The following PAPPA variants were observed in gnomAD, a reference collection of about 807,000 sequenced individuals.
The protein encoded by PAPPA is pappalysin 1.
A neutral mutation model predicts 164.0 loss-of-function variants in PAPPA; 60 were observed. The observed-to-expected ratio is 0.37, with a 90% confidence interval of 0.30 to 0.45. The LOEUF is 0.45. Among genes scored for constraint, PAPPA ranks in the 20% least tolerant of loss-of-function variants. PAPPA has a pLI of 1.00. For missense variants in PAPPA, 1,782 were observed against 2,087.3 expected, an observed-to-expected ratio of 0.85 and a Z score of 2.85; for synonymous variants, 875 against 814.1, an observed-to-expected ratio of 1.07 and a Z score of -1.27.
At chr9:116,388,730 A>AAGTT (rs1427943168) in intron 21 of PAPPA, among the ~76,000 whole-genome samples, 3 of 152,214 alleles carry the variant, frequency 2.0e-5, no homozygotes, top group Non-Finnish European at 4.4e-5. Flanking sequence ...ATTGAGCAGG[A>AAGTT]AGTTGAAGGC....
chr9:116,153,909 A>AG lies in PAPPA; in HGVS notation c.-260dup, dbSNP rs989892767. 18 of 222,486 alleles carry AG rather than the reference A, an allele frequency of 8.1e-5. No individual in the cohort carries two copies. Among genetic ancestry groups the AG allele is most frequent in the Non-Finnish European group, 1.1e-4 (13 of 122,236 alleles). 13.8% of individuals were successfully genotyped at this position (222,486 alleles called of 1,614,324 possible). A position where few individuals can be genotyped will look rare whatever the true frequency, so the allele number is the denominator to read the frequency against. On this transcript the variant is annotated 5_prime_UTR_variant, in exon 1 of 22. Coordinates refer to ENST00000328252, the MANE Select transcript of PAPPA (RefSeq NM_002581.5). ...ACAAGGAGGAAGGCAACCAGCTGTT[A>AG]GGGGAAAAATAAGGCAGATAAAGGA...
intron 2 of PAPPA, among the ~76,000 whole-genome samples, chr9:116,200,699 T>C (rs1223752268): frequency 1.3e-5 from 2 of 152,158 alleles, no homozygotes; most frequent in African/African-American, 4.8e-5. Flanking sequence ...AAAATCATGC[T>C]TTTTTTCATT....
At chr9:116,186,682 A>G (rs1179578552) in intron 1 of PAPPA, among the ~76,000 whole-genome samples, 1 of 152,076 alleles carries the variant, frequency 6.6e-6, no homozygotes, top group Non-Finnish European at 1.5e-5. Context: ...TCTGTTCGTT[A>G]TCATCTCCCT....
intron 19 of PAPPA, among the ~76,000 whole-genome samples, chr9:116,376,726 A>T (rs1440276451): frequency 6.6e-6 from 1 of 152,204 alleles, no homozygotes; most frequent in Non-Finnish European, 1.5e-5. Flanking sequence ...AGTGCCAAAG[A>T]AGACATAAAT....
At chr9:116,385,405 C>G (rs1222734281) in intron 21 of PAPPA, among the ~76,000 whole-genome samples, 2 of 151,988 alleles carry the variant, frequency 1.3e-5, no homozygotes, top group African/African-American at 4.8e-5. Context: ...CTCAGCCTCC[C>G]AAAGTGCTGG....
intron 10 of PAPPA, among the ~76,000 whole-genome samples, chr9:116,309,051 A>G (rs1454589129): frequency 1.3e-5 from 2 of 152,122 alleles, no homozygotes; most frequent in Non-Finnish European, 2.9e-5. Context: ...GTGAAAGGGA[A>G]TTGTAAGATG....
chr9:116,300,730 C>A (rs1184085561), intron 9 of PAPPA, among the ~76,000 whole-genome samples: 1 of 152,164 alleles, frequency 6.6e-6, no homozygotes, highest in Admixed American at 6.5e-5. Flanking sequence ...TCTTGTTTCT[C>A]CTTGGCAGGG....
chr9:116,293,567 G>A (rs1845462911), intron 9 of PAPPA, among the ~76,000 whole-genome samples: 2 of 152,218 alleles, frequency 1.3e-5, no homozygotes, highest in Admixed American at 1.3e-4. Flanking sequence ...TGGAGATGTG[G>A]TTGGAACTAA....
intron 1 of PAPPA, among the ~76,000 whole-genome samples, chr9:116,156,192 G>A (rs964248896): frequency 7.3e-5 from 11 of 150,924 alleles, no homozygotes; most frequent in Non-Finnish European, 1.5e-5. Flanking sequence ...TCCCTGGAGA[G>A]AGGAGAGCAC....
intron 5 of PAPPA, among the ~76,000 whole-genome samples, chr9:116,226,633 C>T (rs1407609578): frequency 6.6e-6 from 1 of 152,190 alleles, no homozygotes; most frequent in African/African-American, 2.4e-5. Context: ...GAAGAGGACT[C>T]ATTCCTCTCC....
At chr9:116,313,582 C>T (rs1247082985) in intron 10 of PAPPA, among the ~76,000 whole-genome samples, 3 of 152,134 alleles carry the variant, frequency 2.0e-5, no homozygotes, top group African/African-American at 4.8e-5. Flanking sequence ...CAGGGAGCTA[C>T]GGTCAGGGGT....
chr9:116,321,229 G>A (rs181940181), intron 10 of PAPPA, among the ~76,000 whole-genome samples: 50 of 151,986 alleles, frequency 3.3e-4, no homozygotes, highest in African/African-American at 8.0e-4. Context: ...GGGTTTCACC[G>A]TGTTAGCCAA....
chr9:116,303,992 CA>C (rs1554750202), intron 10 of PAPPA, among the ~76,000 whole-genome samples: 1 of 152,130 alleles, frequency 6.6e-6, no homozygotes, highest in African/African-American at 2.4e-5. Context: ...AGAGTGGAAA[CA>C]AATGGTAACA....
At chr9:116,299,406 G>A (rs1845551018) in intron 9 of PAPPA, among the ~76,000 whole-genome samples, 1 of 152,006 alleles carries the variant, frequency 6.6e-6, no homozygotes, top group African/African-American at 2.4e-5. Flanking sequence ...CTGATTCCTA[G>A]CAGACAAATT....
intron 13 of PAPPA, among the ~76,000 whole-genome samples, chr9:116,340,130 T>C (rs1441651896): frequency 6.6e-6 from 1 of 152,202 alleles, no homozygotes; most frequent in Non-Finnish European, 1.5e-5. Context: ...GTGTCTTCAT[T>C]TTTTTCCTTC....
intron 7 of PAPPA, among the ~76,000 whole-genome samples, chr9:116,255,158 TG>T (rs1236019430): frequency 2.6e-5 from 4 of 152,030 alleles, no homozygotes; most frequent in Admixed American, 6.5e-5. Flanking sequence ...ATAGTTTTTG[TG>T]GTCTGTATTT....
chr9:116,234,655 A>G (rs1844637838), intron 6 of PAPPA, among the ~76,000 whole-genome samples: 1 of 152,204 alleles, frequency 6.6e-6, no homozygotes, highest in Non-Finnish European at 1.5e-5. Flanking sequence ...TACAGATTCC[A>G]AAATGAAACA....
chr9:116,217,690 A>G (rs1329115901), intron 4 of PAPPA, among the ~76,000 whole-genome samples: 2 of 152,016 alleles, frequency 1.3e-5, no homozygotes, highest in African/African-American at 2.4e-5. Context: ...TCCAATTCCC[A>G]TGTACTAACA....
At position 116,362,859 on chromosome 9, in the gene PAPPA, A is replaced by G. The variant is rs763101484; in HGVS notation, c.4495+120A>G. 6.5e-6 allele frequency: 6 copies of G among 916,996 alleles called. No individual in the cohort carries two copies. The Admixed American group carries it at 1.6e-4, about 25-fold the overall frequency. 56.8% of individuals were successfully genotyped at this position (916,996 alleles called of 1,614,324 possible). The stretch of plus-strand genomic sequence containing the variant: ...ATGAGTTCCTGCGTAGGCACTACAG[A>G]AAGAGAGATGAATTAGTGTAGACCA... On this transcript the variant is annotated intron_variant, in intron 18 of 21. Transcript: ENST00000328252.
Sources: allele counts gnomAD v4.1 joint callset (sites outside exome capture counted in the v4.1 genomes callset), GRCh38; gene constraint gnomAD v4.1.1; transcripts MANE v1.5; gene names NCBI Gene and HGNC (gene_info 2026-07-23, HGNC 2026-07-21).